Variants in RELN observed in about 807,000 individuals in gnomAD.
RELN encodes the protein reelin.
Under a neutral mutation model 427.6 loss-of-function variants are expected in RELN, and 108 were observed. The observed-to-expected ratio is 0.25, with a 90% CI of 0.22 to 0.30. The LOEUF (loss-of-function observed/expected upper bound fraction) is 0.30. Ranked by LOEUF, RELN falls within the 10% of genes least tolerant of loss-of-function variation. The pLI, the probability that RELN is intolerant of heterozygous loss-of-function variation, is 1.00. For missense variants in RELN, 3,715 were observed against 4,302.8 expected, an observed-to-expected ratio of 0.86 and a Z score of 3.82; for synonymous variants, 1,524 against 1,513.4, an observed-to-expected ratio of 1.01 and a Z score of -0.16.
intron 3 of RELN, among the ~76,000 whole-genome samples, chr7:103,816,333 C>T (rs925873825): frequency 7.2e-5 from 11 of 152,094 alleles, no homozygotes; most frequent in Admixed American, 6.5e-4. Context: ...AAGCCGAGAT[C>T]GTGCCACTGC....
intron 11 of RELN, among the ~76,000 whole-genome samples, chr7:103,680,730 G>A (rs1833634740): frequency 6.6e-6 from 1 of 151,886 alleles, no homozygotes; most frequent in South Asian, 2.1e-4. Flanking sequence ...CCCTGGGGAG[G>A]TCCTAGAGGC....
intron 1 of RELN, among the ~76,000 whole-genome samples, chr7:103,959,141 C>T (rs949205200): frequency 2.0e-5 from 3 of 152,078 alleles, no homozygotes; most frequent in African/African-American, 4.8e-5. Context: ...CGGGGCTTTG[C>T]CATGTTGGCC....
intron 31 of RELN, among the ~76,000 whole-genome samples, chr7:103,571,377 G>A (rs1423765662): frequency 6.6e-6 from 1 of 152,202 alleles, no homozygotes; most frequent in African/African-American, 2.4e-5. Flanking sequence ...GGCCACCTAT[G>A]CTTCAAGCCT....
At chr7:103,870,715 C>A (rs1342620808) in intron 2 of RELN, among the ~76,000 whole-genome samples, 1 of 152,084 alleles carries the variant, frequency 6.6e-6, no homozygotes, top group African/African-American at 2.4e-5. Flanking sequence ...TTCCTACTCA[C>A]CTTCTAGTAT....
intron 3 of RELN, 119 bp downstream of exon 3, chr7:103,833,418 T>C (rs1793322370): frequency 2.9e-6 from 3 of 1,036,804 alleles, no homozygotes; most frequent in Non-Finnish European, 4.4e-6. Context: ...AAATTAGTGA[T>C]TTTAATTAGG....
intron 24 of RELN, among the ~76,000 whole-genome samples, chr7:103,602,159 A>G (rs1184031081): frequency 6.6e-6 from 1 of 152,218 alleles, no homozygotes; most frequent in African/African-American, 2.4e-5. Flanking sequence ...TATGTTATGA[A>G]GTGTTCTACA....
At chr7:103,625,674 TCCC>T (rs1260035461) in intron 20 of RELN, among the ~76,000 whole-genome samples, 6 of 151,272 alleles carry the variant, frequency 4.0e-5, no homozygotes, top group Admixed American at 2.0e-4. Context: ...TTCACATGTA[TCCC>T]CCCTTTTTTT....
chr7:103,614,491 A>G (rs141528600), intron 20 of RELN, among the ~76,000 whole-genome samples: 4 of 152,282 alleles, frequency 2.6e-5, no homozygotes, highest in East Asian at 1.9e-4. Flanking sequence ...TGTTGCTCCT[A>G]TGGTCATCTT....
intron 2 of RELN, among the ~76,000 whole-genome samples, chr7:103,879,283 C>T: frequency 6.6e-6 from 1 of 152,184 alleles, no homozygotes; most frequent in East Asian, 1.9e-4. Flanking sequence ...ACACAAAGTG[C>T]TTAGCACAAT....
chr7:103,835,580 T>C (rs1420969362), intron 2 of RELN, among the ~76,000 whole-genome samples: 1 of 152,204 alleles, frequency 6.6e-6, no homozygotes, highest in Non-Finnish European at 1.5e-5. Context: ...GTGCTTTTTA[T>C]TCAATTTTGC....
intron 2 of RELN, among the ~76,000 whole-genome samples, chr7:103,868,002 C>T (rs906206477): frequency 3.3e-5 from 5 of 152,016 alleles, no homozygotes; most frequent in African/African-American, 1.2e-4. Flanking sequence ...CTGCTCTGTC[C>T]AAGTGCTCCA....
At chr7:103,975,227 C>T (rs746172106) in intron 1 of RELN, among the ~76,000 whole-genome samples, 6 of 152,162 alleles carry the variant, frequency 3.9e-5, no homozygotes, top group Non-Finnish European at 8.8e-5. Flanking sequence ...ACAATTTTAA[C>T]TATATCTCAT....
At chr7:103,670,152 T>C (rs1833359726) in intron 11 of RELN, among the ~76,000 whole-genome samples, 1 of 152,152 alleles carries the variant, frequency 6.6e-6, no homozygotes, top group Non-Finnish European at 1.5e-5. Flanking sequence ...TTGGAATGCT[T>C]TGTAACTAGG....
chr7:103,607,199 C>A (rs1198014049), intron 22 of RELN, among the ~76,000 whole-genome samples: 4 of 151,866 alleles, frequency 2.6e-5, no homozygotes, highest in Non-Finnish European at 5.9e-5. Context: ...ACATATGTAA[C>A]AAACCTGCAC....
chr7:103,577,478 C>T (rs893899334), intron 28 of RELN, among the ~76,000 whole-genome samples: 2 of 149,484 alleles, frequency 1.3e-5, no homozygotes, highest in African/African-American at 4.9e-5. Context: ...TCCTTTGCAG[C>T]TAATTTGAAA....
At chr7:103,773,238 CCT>C (rs1224136019) in intron 4 of RELN, among the ~76,000 whole-genome samples, 5 of 56,822 alleles carry the variant, frequency 8.8e-5, no homozygotes, top group Non-Finnish European at 1.5e-4. Flanking sequence ...TCGCTCCCTC[CCT>C]GTCTCTCTCT....
At chr7:103,912,152 C>T (rs1336026621) in intron 2 of RELN, among the ~76,000 whole-genome samples, 2 of 148,966 alleles carry the variant, frequency 1.3e-5, no homozygotes, top group Non-Finnish European at 3.0e-5. Context: ...TACACCTGTT[C>T]ACTACATTCC....
chr7:103,604,290 C>T, intron 23 of RELN, 56 bp downstream of exon 23: 2 of 1,608,518 alleles, frequency 1.2e-6, no homozygotes, highest in Non-Finnish European at 1.7e-6. Context: ...CTGTGGTATC[C>T]TCCAGCCACA....
chr7:103,502,019 G>A (rs1040912341), intron 52 of RELN, among the ~76,000 whole-genome samples: 7 of 152,306 alleles, frequency 4.6e-5, no homozygotes, highest in South Asian at 4.1e-4. Context: ...CGCCAGTGCC[G>A]TGGACAGCAG....
Sources: allele counts gnomAD v4.1 joint callset (sites outside exome capture counted in the v4.1 genomes callset), GRCh38; gene constraint gnomAD v4.1.1; transcripts MANE v1.5; gene names NCBI Gene and HGNC (gene_info 2026-07-23, HGNC 2026-07-21).